Variants in SYT11 observed in about 807,000 individuals in gnomAD.
The protein encoded by SYT11 is synaptotagmin-11.
Under a neutral mutation model 30.4 loss-of-function variants are expected in SYT11, and 12 were observed. The observed-to-expected ratio is 0.39, with a 90% CI of 0.25 to 0.64. The LOEUF is 0.64. Ranked by LOEUF, SYT11 falls within the 30% of genes least tolerant of loss-of-function variation. The pLI is 0.45. For missense variants in SYT11, 412 were observed against 552.0 expected (o/e 0.75, Z 2.54); for synonymous variants, 204 against 216.0 (o/e 0.94, Z 0.49).
intron 2 of SYT11, among the ~76,000 whole-genome samples, chr1:155,873,251 C>T (rs973806986): frequency 1.3e-5 from 2 of 152,060 alleles, no homozygotes; most frequent in Non-Finnish European, 2.9e-5. Flanking sequence ...CATGGTGAAA[C>T]CCCGTTTCTA....
At chr1:155,873,445 C>A (rs541637976) in intron 2 of SYT11, among the ~76,000 whole-genome samples, 1 of 152,050 alleles carries the variant, frequency 6.6e-6, no homozygotes, top group Non-Finnish European at 1.5e-5. Context: ...AATAATGAAA[C>A]GTTGCTTTTC....
At position 155,867,979 on chromosome 1, in the gene SYT11, G is replaced by A. The variant is rs1392974436; in HGVS notation, c.49G>A (p.Val17Met). 1 of 1,609,386 alleles carries A rather than the reference G, an allele frequency of 6.2e-7. No individual in the cohort carries two copies. Among genetic ancestry groups the A allele is most frequent in the Admixed American group, 1.7e-5 (1 of 59,230 alleles). Reference sequence around the variant, plus strand: ...TCCGCCTTCAGATGTGTCACCGGTGGTGGCCGGCCTCATCGGGGCCTCTGT... The same window carrying A: ...TCCGCCTTCAGATGTGTCACCGGTGATGGCCGGCCTCATCGGGGCCTCTGT... ...IRPSFDVSPV[V>M]AGLIGASVLV... Residue 17 changes from valine to methionine, a missense_variant, in exon 2 of 4, where the codon GTG (valine) becomes ATG (methionine). Transcript: ENST00000368324.
intron 2 of SYT11, among the ~76,000 whole-genome samples, chr1:155,877,662 T>C (rs1672887627): frequency 6.6e-6 from 1 of 151,674 alleles, no homozygotes; most frequent in African/African-American, 2.4e-5. Flanking sequence ...CACGCCATTC[T>C]CCTGCCGCAG....
Position 155,872,573 on chromosome 1 carries a change from A to G in SYT11, c.861+3782A>G, listed in dbSNP as rs149525925. ...GCCGAGCCCCGCAGCTCTGTCAGGC[A>G]TGAGAAAATCCTTTCTCCCCCTTGT... On this transcript the variant is annotated intron_variant, in intron 2 of 3. Transcript: ENST00000368324. 4.2e-3 allele frequency among the ~76,000 whole-genome samples: 638 copies of G among 152,340 alleles called. 2 individuals carry two copies. The highest frequency in any genetic ancestry group is 0.015 in the African/African-American group (605 of 41,580).
chr1:155,880,913 T>C (rs1263697443), intron 3 of SYT11, among the ~76,000 whole-genome samples: 1 of 152,240 alleles, frequency 6.6e-6, no homozygotes, highest in Non-Finnish European at 1.5e-5. Context: ...CATTTGTCTC[T>C]GTGCCCTTTA....
Position 155,885,051 on chromosome 1 carries a change from AAAAAG to A in SYT11, c.*3548_*3552del, listed in dbSNP as rs911133508. On this transcript the variant is annotated 3_prime_UTR_variant, in exon 4 of 4. Transcript: ENST00000368324. ...AAATAAATGTGTCAAATTTTGAAAA[AAAAAG>A]AAAACTGAAAAAGCTAACATGAATT... 2.6e-5 allele frequency: 4 copies of A among 152,884 alleles called. No homozygotes were observed. The highest frequency in any genetic ancestry group is 2.6e-4 in the Admixed American group (4 of 15,290). 9.5% of individuals were successfully genotyped at this position (152,884 alleles called of 1,614,324 possible).
rs755553898 is a variant in SYT11, at chr1:155,868,421, C to T, written c.491C>T (p.Ser164Leu). 257 of 1,613,996 alleles carry T rather than the reference C, an allele frequency of 1.6e-4. 1 individual carries two copies. The highest frequency in any genetic ancestry group is 8.5e-7 in the Non-Finnish European group (1 of 1,180,018). The change falls in exon 2 of 4, where the codon TCA becomes TTA. Residue 164 changes from serine to leucine, a missense_variant. Coordinates refer to ENST00000368324, the MANE Select transcript of SYT11 (RefSeq NM_152280.5). The surrounding 1 kb of genome is among the most constrained non-coding windows in gnomAD (Gnocchi z 4.7). ...EDVMLGSLTF[S>L]VDYNFPKKAL... ...GTCATGCTAGGATCCCTCACCTTCT[C>T]AGTGGACTATAACTTCCCGAAAAAA...
At chr1:155,877,334 C>A (rs562469869) in intron 2 of SYT11, among the ~76,000 whole-genome samples, 1 of 151,344 alleles carries the variant, frequency 6.6e-6, no homozygotes, top group Admixed American at 6.6e-5. Context: ...GAACTCCTGA[C>A]CTCAGGTGAT....
Position 155,884,446 on chromosome 1 carries a change from G to A in SYT11, c.*2938G>A, listed in dbSNP as rs1359964260. On this transcript the variant is annotated 3_prime_UTR_variant, in exon 4 of 4. Coordinates refer to ENST00000368324, the MANE Select transcript of SYT11 (RefSeq NM_152280.5). Reference sequence around the variant, plus strand: ...AAAGGCAAAGAGGCGGACAGTGCAGGGCTCCTCCCTCCTACCTCAGGCCTG... The same window carrying A: ...AAAGGCAAAGAGGCGGACAGTGCAGAGCTCCTCCCTCCTACCTCAGGCCTG... 1 of 152,754 alleles carries A rather than the reference G, an allele frequency of 6.5e-6. No individual in the cohort carries two copies. The highest frequency in any genetic ancestry group is 1.5e-5 in the Non-Finnish European group (1 of 68,082). The allele number at this position is 152,754 out of a possible 1,614,324, so 9.5% of individuals were successfully genotyped here. A position where few individuals can be genotyped will look rare whatever the true frequency, so the allele number is the denominator to read the frequency against.
chr1:155,881,942 T>C lies in SYT11; in HGVS notation c.*434T>C. On this transcript the variant is annotated 3_prime_UTR_variant, in exon 4 of 4. Coordinates refer to ENST00000368324, the MANE Select transcript of SYT11 (RefSeq NM_152280.5). ...ATGGGTTTCACCATGTTGGCCAGGCTGGTCTCGAATTCCAGACCTCAGGTG... is the reference window on the plus strand; with the variant it reads ...ATGGGTTTCACCATGTTGGCCAGGCCGGTCTCGAATTCCAGACCTCAGGTG... 1 of 152,518 alleles carries C rather than the reference T, an allele frequency of 6.6e-6. No individual in the cohort carries two copies. The highest frequency in any genetic ancestry group is 1.9e-4 in the East Asian group (1 of 5,178). 9.4% of individuals were successfully genotyped at this position (152,518 alleles called of 1,614,324 possible). A position where few individuals can be genotyped will look rare whatever the true frequency, so the allele number is the denominator to read the frequency against.
chr1:155,867,907 G>T (rs558378643), intron 1 of SYT11, 58 bp from the exon 2 acceptor site: 36 of 1,322,244 alleles, frequency 2.7e-5, no homozygotes, highest in African/African-American at 8.8e-5. Context: ...GAGCAGGGGA[G>T]ATCTAGACAG....
rs1365188547 is a variant in SYT11 at position 155,881,108 on chromosome 1, C to T, written c.986-90C>T. On this transcript the variant is annotated intron_variant, in intron 3 of 3. Coordinates refer to ENST00000368324, the MANE Select transcript of SYT11 (RefSeq NM_152280.5). The stretch of plus-strand genomic sequence containing the variant: ...CATCAAAGATACGAACAACAGAGCC[C>T]CCCCTTTCCCAACATGAAATTACCA... 2.9e-6 allele frequency: 4 copies of T among 1,373,148 alleles called. No homozygotes were observed. The African/African-American group carries it at 5.8e-5, about 20-fold the overall frequency. The allele number at this position is 1,373,148 out of a possible 1,614,324, so 85.1% of individuals were successfully genotyped here. A position where few individuals can be genotyped will look rare whatever the true frequency, so the allele number is the denominator to read the frequency against.
At chr1:155,873,446 G>A (rs1034624449) in intron 2 of SYT11, among the ~76,000 whole-genome samples, 1 of 152,010 alleles carries the variant, frequency 6.6e-6, no homozygotes, top group Non-Finnish European at 1.5e-5. Context: ...ATAATGAAAC[G>A]TTGCTTTTCC....
rs187018555 is a variant in SYT11 at position 155,874,707 on chromosome 1, G to A, written c.862-5793G>A. ...AGATAGAGACCATCCTGGCTAACACGGTGAAACCCCGTCTCTACTAAAAAT... is the reference window on the plus strand; with the variant it reads ...AGATAGAGACCATCCTGGCTAACACAGTGAAACCCCGTCTCTACTAAAAAT... On this transcript the variant is annotated intron_variant, in intron 2 of 3. Coordinates refer to ENST00000368324, the MANE Select transcript of SYT11 (RefSeq NM_152280.5). Among the ~76,000 whole-genome samples, 13 of 147,644 alleles carry A rather than the reference G, an allele frequency of 8.8e-5. No homozygotes were observed. In the East Asian group the frequency reaches 2.2e-3, roughly 25 times the overall value.
At position 155,881,695 on chromosome 1, in the gene SYT11, T is replaced by C. The variant is rs1315885431; in HGVS notation, c.*187T>C. 7.9e-6 allele frequency: 4 copies of C among 508,672 alleles called. No homozygotes were observed. The highest frequency in any genetic ancestry group is 1.0e-5 in the Non-Finnish European group (3 of 291,094). 31.5% of individuals were successfully genotyped at this position (508,672 alleles called of 1,614,324 possible). On this transcript the variant is annotated 3_prime_UTR_variant, in exon 4 of 4. Coordinates refer to ENST00000368324, the MANE Select transcript of SYT11 (RefSeq NM_152280.5). ...GATCAGTTCTTAGCAATGATGTTTT[T>C]TTTTCTGCTTTGCAAGGCGCTAGAA...
At chr1:155,859,846 G>A (rs1281172361) in intron 1 of SYT11, 51 bp downstream of exon 1, 2 of 1,554,870 alleles carry the variant, frequency 1.3e-6, no homozygotes, top group Non-Finnish European at 1.8e-6. Flanking sequence ...TGGTTGCAAG[G>A]CCAAGGGGGC....
In SYT11 at chr1:155,884,638, T is replaced by G. The variant is rs138233788; in HGVS notation, c.*3130T>G. Reference sequence around the variant, plus strand: ...CACATCTTAGCTTTTGCACAAGGCATTCGTGGTCAGGAATAGGTTAGGGAA... The same window carrying G: ...CACATCTTAGCTTTTGCACAAGGCAGTCGTGGTCAGGAATAGGTTAGGGAA... On this transcript the variant is annotated 3_prime_UTR_variant, in exon 4 of 4. Coordinates refer to ENST00000368324, the MANE Select transcript of SYT11 (RefSeq NM_152280.5). 2.0e-4 allele frequency: 31 copies of G among 152,910 alleles called. No homozygotes were observed. Among genetic ancestry groups the G allele is most frequent in the African/African-American group, 7.5e-4 (31 of 41,576 alleles). 9.5% of individuals were successfully genotyped at this position (152,910 alleles called of 1,614,324 possible). A position where few individuals can be genotyped will look rare whatever the true frequency, so the allele number is the denominator to read the frequency against.
In SYT11 at chr1:155,881,590, C is replaced by T; in HGVS notation, c.*82C>T. On this transcript the variant is annotated 3_prime_UTR_variant, in exon 4 of 4. Transcript: ENST00000368324. ...GAAAAAGATGACAGAGAAGTGGACT[C>T]CAAACCTCATTTTAGTTGTAGAAGA... The T allele has an allele frequency of 4.5e-6, 6 of 1,341,520 alleles. No homozygotes were observed. Among genetic ancestry groups the T allele is most frequent in the Non-Finnish European group, 5.1e-6 (5 of 986,920 alleles). 83.1% of individuals were successfully genotyped at this position (1,341,520 alleles called of 1,614,324 possible). A position where few individuals can be genotyped will look rare whatever the true frequency, so the allele number is the denominator to read the frequency against.
At chr1:155,880,399 G>A in intron 2 of SYT11, 101 bp from the exon 3 acceptor site, 1 of 1,443,770 alleles carries the variant, frequency 6.9e-7, no homozygotes, top group Non-Finnish European at 9.4e-7. Flanking sequence ...TATCATCCCT[G>A]CACTTGTCCT....
Sources: allele counts gnomAD v4.1 joint callset (sites outside exome capture counted in the v4.1 genomes callset), GRCh38; gene constraint gnomAD v4.1.1; non-coding constraint Gnocchi (gnomAD v3.1); transcripts MANE v1.5; gene names NCBI Gene and HGNC (gene_info 2026-07-23, HGNC 2026-07-21).